DOT1L: variants seen among roughly 807,000 people sequenced by gnomAD.
DOT1L encodes histone-lysine N-methyltransferase, H3 lysine-79 specific.
In DOT1L, 33 loss-of-function variants were observed where a neutral mutation model predicts 153.3. The ratio of observed to expected loss-of-function variants is 0.22; its 90% confidence interval spans 0.16 to 0.29. The LOEUF is 0.29. Among genes scored for constraint, DOT1L ranks in the 10% least tolerant of loss-of-function variants. The probability of loss-of-function intolerance (pLI) is 1.00; values close to 1 mark genes in which losing one functional copy is unlikely to be tolerated. For missense variants in DOT1L, 1,847 were observed against 2,119.9 expected (o/e 0.87, Z 2.53); for synonymous variants, 1,135 against 965.1 (o/e 1.18, Z -3.26).
Position 2,213,643 on chromosome 19 carries a change from A to G in DOT1L, c.1659+3A>G, listed in dbSNP as rs375688804. 31 of 1,613,662 alleles carry G rather than the reference A, an allele frequency of 1.9e-5. No homozygotes were observed. In the African/African-American group the frequency reaches 3.3e-4, roughly 17 times the overall value. The stretch of plus-strand genomic sequence containing the variant: ...TGTTTCAGCAAAAATTGGATGAGGT[A>G]GTGGACCCCAGAGGGCAGGTGGCAG... On this transcript the variant is annotated splice_donor_region_variant and intron_variant, in intron 17 of 27. Coordinates refer to ENST00000398665, the MANE Select transcript of DOT1L (RefSeq NM_032482.3).
At position 2,191,344 on chromosome 19, in the gene DOT1L, T is replaced by C; in HGVS notation, c.493+104T>C. 8.2e-7 allele frequency: 1 copy of C among 1,216,250 alleles called. No individual in the cohort carries two copies. Among genetic ancestry groups the C allele is most frequent in the African/African-American group, 1.5e-5 (1 of 67,320 alleles). 75.3% of individuals were successfully genotyped at this position (1,216,250 alleles called of 1,614,324 possible). A position where few individuals can be genotyped will look rare whatever the true frequency, so the allele number is the denominator to read the frequency against. On this transcript the variant is annotated intron_variant, in intron 5 of 27. Coordinates refer to ENST00000398665, the MANE Select transcript of DOT1L (RefSeq NM_032482.3). This position sits in a 1 kb window ranked among gnomAD's most constrained non-coding sequence, Gnocchi z 6.8. ...AAGAGTTTATCAGGGACTTGCGACG[T>C]TGGCGTGGACAGTGCTTCCTTCTCC...
intron 25 of DOT1L, 24 bp downstream of exon 25, chr19:2,223,510 G>A: frequency 6.4e-7 from 1 of 1,568,290 alleles, no homozygotes. Flanking sequence ...CCCGGAGGGG[G>A]GCGGGGCCTG....
chr19:2,175,582 A>G (rs2021888701), intron 1 of DOT1L, among the ~76,000 whole-genome samples: 1 of 152,182 alleles, frequency 6.6e-6, no homozygotes, highest in African/African-American at 2.4e-5. Flanking sequence ...TAATCCCAGC[A>G]CTTTGGGAGG....
chr19:2,165,024 T>C (rs73514420), intron 1 of DOT1L, among the ~76,000 whole-genome samples: 1 of 152,188 alleles, frequency 6.6e-6, no homozygotes, highest in African/African-American at 2.4e-5. Context: ...ACAGGCCGGG[T>C]GGAATGTTAC....
intron 8 of DOT1L, among the ~76,000 whole-genome samples, chr19:2,201,513 A>G (rs1291093537): frequency 6.6e-6 from 1 of 152,090 alleles, no homozygotes; most frequent in East Asian, 1.9e-4. Context: ...CAAGTAGAAA[A>G]TGGGGGTTTC....
At chr19:2,228,338 G>A (rs534050914) in intron 27 of DOT1L, 3 of 1,328,332 alleles carry the variant, frequency 2.3e-6, no homozygotes, top group East Asian at 4.7e-5. Flanking sequence ...CGGGGGTTAA[G>A]CCGCGATAAA....
rs531304805 is a variant in DOT1L, at chr19:2,198,147, G to A, written c.652-1737G>A. ...CTGTCATGGAGCGTGGGGGACCCCA[G>A]GGAGGGTTCCCAGCCCCAGGCCTGT... On this transcript the variant is annotated intron_variant, in intron 7 of 27. Coordinates refer to ENST00000398665, the MANE Select transcript of DOT1L (RefSeq NM_032482.3). Among the ~76,000 whole-genome samples the A allele has an allele frequency of 6.4e-4, 97 of 152,342 alleles. 1 individual carries two copies. The highest frequency in any genetic ancestry group is 9.3e-4 in the Non-Finnish European group (63 of 68,018).
In DOT1L at chr19:2,203,665, C is replaced by T. The variant is rs545630043; in HGVS notation, c.787+886C>T. Among the ~76,000 whole-genome samples, 5 of 152,364 alleles carry T rather than the reference C, an allele frequency of 3.3e-5. No individual in the cohort carries two copies. In the South Asian group the frequency reaches 1.0e-3, roughly 32 times the overall value. On this transcript the variant is annotated intron_variant, in intron 9 of 27. Coordinates refer to ENST00000398665, the MANE Select transcript of DOT1L (RefSeq NM_032482.3). ...GCCCATGACATCGATTCCAGTCCTG[C>T]AGTCGAGGGTGGTACCCAGACCACA...
chr19:2,183,969 G>A (rs1229580999), intron 2 of DOT1L, among the ~76,000 whole-genome samples: 1 of 152,250 alleles, frequency 6.6e-6, no homozygotes, highest in South Asian at 2.1e-4. Flanking sequence ...TTTGCTGCTA[G>A]TATGTGTAAA....
Position 2,220,941 on chromosome 19 carries a change from C to T in DOT1L, c.2806+719C>T, listed in dbSNP as rs1402163924. ...CTGTAATCCCAGCACCTTGGGATGC[C>T]GAGGTGGGCGGATCACCTGAGGACA... On this transcript the variant is annotated intron_variant, in intron 23 of 27. Transcript: ENST00000398665. The surrounding 1 kb of genome is among the most constrained non-coding windows in gnomAD (Gnocchi z 4.5). 3.2e-5 allele frequency: 7 copies of T among 221,398 alleles called. No homozygotes were observed. Among genetic ancestry groups the T allele is most frequent in the Non-Finnish European group, 5.5e-5 (6 of 108,110 alleles). The allele number at this position is 221,398 out of a possible 1,614,324, so 13.7% of individuals were successfully genotyped here.
At chr19:2,225,301 G>T (rs2024280753) in intron 25 of DOT1L, 87 bp from the exon 26 acceptor site, 2 of 1,333,848 alleles carry the variant, frequency 1.5e-6, no homozygotes, top group Admixed American at 3.4e-5. Flanking sequence ...CACCTCCGGA[G>T]CTCCCTGGGC....
chr19:2,226,050 CT>C, intron 26 of DOT1L, 132 bp from the exon 27 acceptor site: 1 of 974,542 alleles, frequency 1.0e-6, no homozygotes, highest in Non-Finnish European at 1.5e-6. Context: ...TCCTGTCCCG[CT>C]TGGCATCTTG....
rs970295252 is a variant in DOT1L, at chr19:2,228,140, CTCTT to C, written c.4606+1015_4606+1018del. 2.9e-6 allele frequency: 4 copies of C among 1,364,984 alleles called. No homozygotes were observed. The African/African-American group carries it at 4.4e-5, about 15-fold the overall frequency. The allele number at this position is 1,364,984 out of a possible 1,614,324, so 84.6% of individuals were successfully genotyped here. On this transcript the variant is annotated intron_variant, in intron 27 of 27. Transcript: ENST00000398665. Reference sequence around the variant, plus strand: ...CTGCCTCTCTGCCGCCTGCTAACGCCTCTTTGTCTATCAAGCTCACCTCCCTCCC... The same window carrying C: ...CTGCCTCTCTGCCGCCTGCTAACGCCTGTCTATCAAGCTCACCTCCCTCCC...
rs750419812 is a variant in DOT1L at position 2,226,705 on chromosome 19, C to G, written c.4184C>G (p.Pro1395Arg). The change falls in exon 27 of 28, where the codon CCG becomes CGG. Residue 1395 changes from proline (P) to arginine (R), a missense_variant. Physicochemically the swap from Pro to Arg is moderately radical, Grantham distance 103. Coordinates refer to ENST00000398665, the MANE Select transcript of DOT1L (RefSeq NM_032482.3). ...RGKEAGEGGLPLCGPTDKTPL... is the reference protein window; with the variant it reads ...RGKEAGEGGLRLCGPTDKTPL... ...AAGGAGGCAGGGGAGGGCGGCCTAC[C>G]GCTGTGCGGGCCCACGGACAAGACC... 5 of 1,570,016 alleles carry G rather than the reference C, an allele frequency of 3.2e-6. No homozygotes were observed. The highest frequency in any genetic ancestry group is 4.3e-6 in the Non-Finnish European group (5 of 1,162,502).
In DOT1L at chr19:2,190,401, G is replaced by C. The variant is rs2022740390; in HGVS notation, c.264+606G>C. On this transcript the variant is annotated intron_variant, in intron 4 of 27. Transcript: ENST00000398665. This position sits in a 1 kb window ranked among gnomAD's most constrained non-coding sequence, Gnocchi z 4.8. ...CTGTGGAGGGAGCCCTGGTGGGGGTGGCATGGGCTCACTTGGCCCTCCTGA... is the reference window on the plus strand; with the variant it reads ...CTGTGGAGGGAGCCCTGGTGGGGGTCGCATGGGCTCACTTGGCCCTCCTGA... 8.5e-5 allele frequency among the ~76,000 whole-genome samples: 13 copies of C among 152,098 alleles called. No individual in the cohort carries two copies. The highest frequency in any genetic ancestry group is 7.9e-4 in the Admixed American group (12 of 15,268).
chr19:2,174,562 T>C (rs2021815931), intron 1 of DOT1L, among the ~76,000 whole-genome samples: 1 of 152,200 alleles, frequency 6.6e-6, no homozygotes, highest in South Asian at 2.1e-4. Context: ...GGCGCACGCC[T>C]GTAATCCCAG....
chr19:2,214,326 CA>C, intron 18 of DOT1L, 144 bp from the exon 19 acceptor site: 2 of 1,363,314 alleles, frequency 1.5e-6, no homozygotes, highest in South Asian at 3.0e-5. Context: ...TCCGCATCCT[CA>C]GCCTGCTATT....
In DOT1L at chr19:2,211,818, G is replaced by A. The variant is rs2144840281; in HGVS notation, c.1533G>A (p.Leu511=). The part of the protein sequence containing the change: ...YTKTPQYKAS[L]QELLGQEKEK... ...AGACCCCCCAGTACAAGGCCAGCCT[G>A]CAGGAGCTGCTGGGCCAGGAGAAGG... The change falls in exon 16 of 28, where the codon CTG becomes CTA. Residue 511 remains leucine, a synonymous_variant. Transcript: ENST00000398665. 6.4e-7 allele frequency: 1 copy of A among 1,571,256 alleles called. No individual in the cohort carries two copies. Among genetic ancestry groups the A allele is most frequent in the Non-Finnish European group, 8.6e-7 (1 of 1,157,972 alleles).
At chr19:2,182,494 C>G (rs2022288869) in intron 2 of DOT1L, among the ~76,000 whole-genome samples, 1 of 152,220 alleles carries the variant, frequency 6.6e-6, no homozygotes, top group Non-Finnish European at 1.5e-5. Flanking sequence ...CCACCGCCCT[C>G]CAGCCAGGCA....
Sources: gnomAD v4.1 joint callset for allele counts (sites outside exome capture counted in the v4.1 genomes callset) on GRCh38, gnomAD v4.1.1 for gene constraint, Gnocchi (gnomAD v3.1) non-coding constraint, MANE v1.5 for transcripts, NCBI Gene and HGNC (gene_info 2026-07-23, HGNC 2026-07-21) for gene names.